The following NEGR1 variants were observed in gnomAD, a reference collection of about 807,000 sequenced individuals.
NEGR1 encodes the protein IgLON family member 4.
A neutral mutation model predicts 40.9 loss-of-function variants in NEGR1; 10 were observed. The ratio of observed to expected loss-of-function variants is 0.24; its 90% CI spans 0.15 to 0.42. NEGR1 has a LOEUF of 0.42. NEGR1 is among the 10% of genes least tolerant of loss of function. The pLI, the probability that NEGR1 is intolerant of heterozygous loss-of-function variation, is 1.00. For synonymous variants in NEGR1, 185 were observed against 166.8 expected, an observed-to-expected ratio of 1.11 and a Z score of -0.84; for missense variants, 352 against 438.9, an observed-to-expected ratio of 0.80 and a Z score of 1.77.
chr1:71,950,477 C>G (rs1271518127), intron 1 of NEGR1, among the ~76,000 whole-genome samples: 1 of 151,934 alleles, frequency 6.6e-6, no homozygotes, highest in Non-Finnish European at 1.5e-5. Context: ...TATTTTCATC[C>G]TCAAATACTG....
At chr1:72,268,625 A>C (rs1183264807) in intron 1 of NEGR1, among the ~76,000 whole-genome samples, 3 of 151,540 alleles carry the variant, frequency 2.0e-5, no homozygotes, top group Non-Finnish European at 4.4e-5. Flanking sequence ...CCTATAGGAA[A>C]AACTGTACAA....
intron 6 of NEGR1, among the ~76,000 whole-genome samples, chr1:71,495,256 A>AAAC (rs1646953902): frequency 6.6e-6 from 1 of 152,080 alleles, no homozygotes; most frequent in African/African-American, 2.4e-5. Context: ...AGGTGGGTGG[A>AAAC]TCACTTGAGG....
intron 2 of NEGR1, among the ~76,000 whole-genome samples, chr1:71,895,416 C>T (rs1660943542): frequency 6.6e-6 from 1 of 152,046 alleles, no homozygotes; most frequent in Non-Finnish European, 1.5e-5. Flanking sequence ...TTCATCACTC[C>T]CAAAAGAAAT....
chr1:71,607,934 G>A (rs564738493), intron 5 of NEGR1, among the ~76,000 whole-genome samples: 80 of 152,224 alleles, frequency 5.3e-4, no homozygotes, highest in Non-Finnish European at 9.9e-4. Context: ...TGATCCACCC[G>A]TCTTTGCCTT....
At chr1:71,650,347 T>C (rs1651670771) in intron 4 of NEGR1, among the ~76,000 whole-genome samples, 1 of 152,110 alleles carries the variant, frequency 6.6e-6, no homozygotes, top group African/African-American at 2.4e-5. Flanking sequence ...TCCATACAGA[T>C]GGGGAAATCA....
At chr1:71,866,172 G>T (rs992262277) in intron 2 of NEGR1, among the ~76,000 whole-genome samples, 1 of 151,904 alleles carries the variant, frequency 6.6e-6, no homozygotes, top group Non-Finnish European at 1.5e-5. Context: ...AATGTCCATA[G>T]AACTCTTTCT....
chr1:71,827,651 T>C (rs138500767), intron 2 of NEGR1, among the ~76,000 whole-genome samples: 100 of 152,062 alleles, frequency 6.6e-4, no homozygotes, highest in African/African-American at 2.1e-3. Context: ...CAAAATTGCT[T>C]TCTAAAACAT....
At chr1:71,966,949 G>A (rs967927518) in intron 1 of NEGR1, among the ~76,000 whole-genome samples, 1 of 152,158 alleles carries the variant, frequency 6.6e-6, no homozygotes, top group African/African-American at 2.4e-5. Context: ...CAACTTAGAA[G>A]AAGGGTGCAA....
At chr1:72,272,371 C>T (rs1003771548) in intron 1 of NEGR1, among the ~76,000 whole-genome samples, 1 of 151,518 alleles carries the variant, frequency 6.6e-6, no homozygotes, top group Non-Finnish European at 1.5e-5. Flanking sequence ...TGATCAATGA[C>T]CAAATATATT....
intron 1 of NEGR1, among the ~76,000 whole-genome samples, chr1:71,962,460 A>G (rs1427341872): frequency 6.6e-6 from 1 of 152,070 alleles, no homozygotes; most frequent in Admixed American, 6.6e-5. Flanking sequence ...TACAAAAGAA[A>G]TTAAACTCTC....
chr1:72,111,736 A>G (rs1024395863), intron 1 of NEGR1, among the ~76,000 whole-genome samples: 1 of 151,844 alleles, frequency 6.6e-6, no homozygotes, highest in Admixed American at 6.6e-5. Context: ...TTGTTCCATG[A>G]AAACCCTTTC....
intron 4 of NEGR1, among the ~76,000 whole-genome samples, chr1:71,675,035 T>C (rs2101603777): frequency 6.7e-6 from 1 of 148,162 alleles, no homozygotes; most frequent in African/African-American, 2.4e-5. Context: ...ATATATTGCA[T>C]AAATATATAT....
At chr1:71,914,402 T>A (rs1661514036) in intron 2 of NEGR1, among the ~76,000 whole-genome samples, 1 of 152,198 alleles carries the variant, frequency 6.6e-6, no homozygotes, top group South Asian at 2.1e-4. Flanking sequence ...CTAAATGAGG[T>A]ACAAAGTTGT....
At chr1:71,758,974 A>G (rs1276812558) in intron 3 of NEGR1, among the ~76,000 whole-genome samples, 1 of 152,234 alleles carries the variant, frequency 6.6e-6, no homozygotes, top group African/African-American at 2.4e-5. Flanking sequence ...CACAACTTGT[A>G]TTCAAATTAA....
In NEGR1 at chr1:72,270,108, C is replaced by T. The variant is rs146846336; in HGVS notation, c.176+12211G>A. Among the ~76,000 whole-genome samples the T allele has an allele frequency of 7.2e-3, 1,090 of 151,900 alleles. 11 individuals carry two copies. The highest frequency in any genetic ancestry group is 0.023 in the African/African-American group (947 of 41,516). ...GACTTGGATTGTAATTGTGGCTCAGCCACTGCCTAACTGTTCCACCTGGGT... is the reference window on the plus strand; with the variant it reads ...GACTTGGATTGTAATTGTGGCTCAGTCACTGCCTAACTGTTCCACCTGGGT... On this transcript the variant is annotated intron_variant, in intron 1 of 6. Transcript: ENST00000357731.
rs148114653 is a variant in NEGR1, at chr1:71,538,279, T to C, written c.940+54538A>G. Among the ~76,000 whole-genome samples, 675 of 151,836 alleles carry C rather than the reference T, an allele frequency of 4.4e-3. 7 individuals carry two copies. The highest frequency in any genetic ancestry group is 7.3e-3 in the Admixed American group (111 of 15,222). On this transcript the variant is annotated intron_variant, in intron 6 of 6. Transcript: ENST00000357731. ...GTTTTATAACTCTGCACACACGATA[T>C]ATTATTAAAATTGTTCAGTATCAAA...
At chr1:72,105,023 G>T (rs191329243) in intron 1 of NEGR1, among the ~76,000 whole-genome samples, 6 of 152,202 alleles carry the variant, frequency 3.9e-5, no homozygotes, top group Admixed American at 2.0e-4. Context: ...ATAAAGGAAA[G>T]TTTGTTGGAA....
At chr1:71,668,385 T>A (rs1234199242) in intron 4 of NEGR1, among the ~76,000 whole-genome samples, 1 of 152,194 alleles carries the variant, frequency 6.6e-6, no homozygotes, top group Non-Finnish European at 1.5e-5. Flanking sequence ...CATCTTTTTG[T>A]TACTGCCAGG....
chr1:71,975,711 C>A (rs575246866), intron 1 of NEGR1, among the ~76,000 whole-genome samples: 1 of 152,338 alleles, frequency 6.6e-6, no homozygotes, highest in East Asian at 1.9e-4. Flanking sequence ...TGAGTCCTAG[C>A]TGCAGATGTG....
Sources: allele counts gnomAD v4.1 joint callset (sites outside exome capture counted in the v4.1 genomes callset), GRCh38; gene constraint gnomAD v4.1.1; transcripts MANE v1.5; gene names NCBI Gene and HGNC (gene_info 2026-07-23, HGNC 2026-07-21).